The following KCNIP1 variants were observed in gnomAD, a reference collection of about 807,000 sequenced individuals.
KCNIP1 encodes the protein potassium voltage-gated channel interacting protein 1.
Under a neutral mutation model 33.0 loss-of-function variants are expected in KCNIP1, and 18 were observed. The observed-to-expected ratio is 0.55, with a 90% CI of 0.38 to 0.81. The LOEUF is 0.81. KCNIP1 is among the 30% of genes least tolerant of loss of function. The pLI, the probability that KCNIP1 is intolerant of heterozygous loss-of-function variation, is 0.00. For missense variants in KCNIP1, 238 were observed against 271.6 expected (o/e 0.88, Z 0.87); for synonymous variants, 93 against 98.3 (o/e 0.95, Z 0.32).
At chr5:170,706,210 G>C (rs529382908) in intron 1 of KCNIP1, among the ~76,000 whole-genome samples, 1 of 152,192 alleles carries the variant, frequency 6.6e-6, no homozygotes, top group South Asian at 2.1e-4. Flanking sequence ...AACAAAGAAG[G>C]GGTTTATTAG....
At chr5:170,498,351 C>T (rs4867971) in intron 1 of KCNIP1, among the ~76,000 whole-genome samples, 13,267 of 152,192 alleles carry the variant, frequency 0.087, 804 homozygotes, top group African/African-American at 0.16. Context: ...AATAACTTGC[C>T]CAAAGTCACA....
intron 7 of KCNIP1, among the ~76,000 whole-genome samples, chr5:170,735,273 A>C (rs1764344500): frequency 1.3e-5 from 2 of 152,106 alleles, no homozygotes; most frequent in Admixed American, 1.3e-4. Context: ...ATGTAGAAAA[A>C]TCCTCAAATG....
chr5:170,698,418 C>A (rs986030795), intron 1 of KCNIP1, among the ~76,000 whole-genome samples: 1 of 152,172 alleles, frequency 6.6e-6, no homozygotes. Flanking sequence ...TTGAGCCCCA[C>A]CTCTGCTGTT....
At chr5:170,463,953 C>T (rs1368577239) in intron 1 of KCNIP1, among the ~76,000 whole-genome samples, 1 of 152,074 alleles carries the variant, frequency 6.6e-6, no homozygotes, top group Non-Finnish European at 1.5e-5. Context: ...AACTAATTAA[C>T]AAGATCAGCA....
At chr5:170,692,516 A>G (rs934251564) in intron 1 of KCNIP1, among the ~76,000 whole-genome samples, 2 of 152,230 alleles carry the variant, frequency 1.3e-5, no homozygotes, top group Non-Finnish European at 2.9e-5. Flanking sequence ...CATTACATTA[A>G]AGAATTACAG....
At chr5:170,505,426 T>C (rs986940374) in intron 1 of KCNIP1, among the ~76,000 whole-genome samples, 2 of 152,188 alleles carry the variant, frequency 1.3e-5, no homozygotes, top group Middle Eastern at 3.4e-3. Context: ...AAGTTAGTGG[T>C]TGGAATAAAG....
intron 1 of KCNIP1, among the ~76,000 whole-genome samples, chr5:170,600,821 C>T (rs1177619048): frequency 1.3e-5 from 2 of 152,242 alleles, no homozygotes; most frequent in African/African-American, 4.8e-5. Flanking sequence ...AGCTAGCCCG[C>T]TGCTCCTCAC....
chr5:170,605,349 A>G (rs896892499), intron 1 of KCNIP1, among the ~76,000 whole-genome samples: 24 of 152,170 alleles, frequency 1.6e-4, no homozygotes, highest in Non-Finnish European at 3.2e-4. Context: ...GCTATTTCCC[A>G]GCTGCAATTT....
At chr5:170,393,114 C>T (rs1010036296) in intron 1 of KCNIP1, among the ~76,000 whole-genome samples, 2 of 152,280 alleles carry the variant, frequency 1.3e-5, no homozygotes, top group Middle Eastern at 3.4e-3. Context: ...CTGGAGTGCA[C>T]CTGTGCCCGC....
intron 1 of KCNIP1, among the ~76,000 whole-genome samples, chr5:170,557,494 C>T (rs1298506028): frequency 6.6e-6 from 1 of 152,156 alleles, no homozygotes; most frequent in African/African-American, 2.4e-5. Context: ...TGCTGAGCCT[C>T]CTGCTGTGTC....
In KCNIP1 at chr5:170,504,252, C is replaced by G. The variant is rs1354845789; in HGVS notation, c.-321C>G. On this transcript the variant is annotated 5_prime_UTR_variant, in exon 1 of 8. Transcript: ENST00000328939. This position sits in a 1 kb window ranked among gnomAD's most constrained non-coding sequence, Gnocchi z 6.0. The stretch of plus-strand genomic sequence containing the variant: ...CTCGGCCGGGCGGCCGCTCTGGCCC[C>G]GTGTCCAGTGCCAGGCAGGCTTCAG... The G allele has an allele frequency of 3.6e-6, 4 of 1,123,236 alleles. No individual in the cohort carries two copies. Among genetic ancestry groups the G allele is most frequent in the South Asian group, 4.0e-5 (1 of 24,792 alleles). The allele number at this position is 1,123,236 out of a possible 1,614,324, so 69.6% of individuals were successfully genotyped here. A position where few individuals can be genotyped will look rare whatever the true frequency, so the allele number is the denominator to read the frequency against.
intron 1 of KCNIP1, among the ~76,000 whole-genome samples, chr5:170,461,413 C>G (rs1359692917): frequency 6.6e-6 from 1 of 152,150 alleles, no homozygotes; most frequent in Non-Finnish European, 1.5e-5. Context: ...TCAAACTATA[C>G]TATAAGGCCA....
At chr5:170,384,340 A>G (rs950236605) in intron 1 of KCNIP1, among the ~76,000 whole-genome samples, 1 of 152,212 alleles carries the variant, frequency 6.6e-6, no homozygotes, top group African/African-American at 2.4e-5. Flanking sequence ...ACCTGAAGCT[A>G]GGTCTGAGTG....
chr5:170,604,754 G>T (rs946896061), intron 1 of KCNIP1, among the ~76,000 whole-genome samples: 9 of 152,180 alleles, frequency 5.9e-5, no homozygotes, highest in African/African-American at 2.2e-4. Context: ...CCACCCCTGG[G>T]AACTGGCTCA....
chr5:170,569,933 T>C (rs1757339625), intron 1 of KCNIP1, among the ~76,000 whole-genome samples: 1 of 152,132 alleles, frequency 6.6e-6, no homozygotes, highest in African/African-American at 2.4e-5. Flanking sequence ...TGCACCAAAG[T>C]AATGAAAAGA....
At chr5:170,485,395 C>G (rs1561646816) in intron 1 of KCNIP1, among the ~76,000 whole-genome samples, 1 of 152,196 alleles carries the variant, frequency 6.6e-6, no homozygotes, top group Non-Finnish European at 1.5e-5. Context: ...ATCCCAAACT[C>G]AAGCCCACAG....
chr5:170,580,567 C>T (rs1433966741), intron 1 of KCNIP1, among the ~76,000 whole-genome samples: 4 of 152,142 alleles, frequency 2.6e-5, no homozygotes, highest in Non-Finnish European at 5.9e-5. Context: ...AGACCATACC[C>T]GGATGGTCAT....
chr5:170,471,907 T>G (rs145301825), intron 1 of KCNIP1, among the ~76,000 whole-genome samples: 3 of 152,218 alleles, frequency 2.0e-5, no homozygotes. Flanking sequence ...ATACATTTAC[T>G]GGTTCATTTT....
At chr5:170,629,987 T>G (rs1045798588) in intron 1 of KCNIP1, among the ~76,000 whole-genome samples, 1 of 152,152 alleles carries the variant, frequency 6.6e-6, no homozygotes, top group Non-Finnish European at 1.5e-5. Flanking sequence ...GCTGAACAGT[T>G]GGCAACATTG....
Sources: allele counts gnomAD v4.1 joint callset (sites outside exome capture counted in the v4.1 genomes callset), GRCh38; gene constraint gnomAD v4.1.1; non-coding constraint Gnocchi (gnomAD v3.1); transcripts MANE v1.5; gene names NCBI Gene and HGNC (gene_info 2026-07-23, HGNC 2026-07-21).